Variants in SPATA31D1 observed in about 807,000 individuals in gnomAD.
The protein encoded by SPATA31D1 is SPATA31 subfamily D member 1.
SPATA31D1 carries 6 observed loss-of-function variants against 13.2 expected under a neutral mutation model. The observed-to-expected ratio is 0.46, with a 90% CI of 0.25 to 0.90. The LOEUF (loss-of-function observed/expected upper bound fraction) is 0.90. Among genes scored for constraint, SPATA31D1 ranks in the 40% least tolerant of loss-of-function variants. SPATA31D1 has a pLI of 0.18. For synonymous variants in SPATA31D1, 903 were observed against 718.8 expected, an observed-to-expected ratio of 1.26 and a Z score of -4.10; for missense variants, 2,445 against 1,884.7, an observed-to-expected ratio of 1.30 and a Z score of -5.50.
In SPATA31D1 at chr9:81,991,933, ACT is replaced by A; in HGVS notation, c.1466_1467del (p.Ser489Ter). On this transcript the variant is annotated frameshift_variant, in exon 4 of 4. Transcript: ENST00000344803. LOFTEE classifies it low-confidence loss of function (END_TRUNC). ...CAGCACATCCATCAGCAGCCTCCACACTCTAAATGCTTTGAAGACCATTTAGA... is the reference window on the plus strand; with the variant it reads ...CAGCACATCCATCAGCAGCCTCCACACTAAATGCTTTGAAGACCATTTAGA... 2 of 1,613,626 alleles carry A rather than the reference ACT, an allele frequency of 1.2e-6. No homozygotes were observed. The highest frequency in any genetic ancestry group is 8.5e-7 in the Non-Finnish European group (1 of 1,179,690).
Position 81,992,638 on chromosome 9 carries a change from C to A in SPATA31D1, c.2168C>A (p.Ser723Tyr), listed in dbSNP as rs1324261352. 1.9e-6 allele frequency: 3 copies of A among 1,613,740 alleles called. No individual in the cohort carries two copies. The South Asian group carries it at 3.3e-5, about 18-fold the overall frequency. Residue 723 changes from serine to tyrosine, a missense_variant, in exon 4 of 4, where the codon TCT (serine) becomes TAT (tyrosine). Ser to Tyr is a moderately radical substitution (Grantham distance 144, BLOSUM62 -2). Transcript: ENST00000344803. ...CCTCAGAGCAAAATTTCAGAGCTATCTGTGTCAGAGAGAATTCATGGACCG... is the reference window on the plus strand; with the variant it reads ...CCTCAGAGCAAAATTTCAGAGCTATATGTGTCAGAGAGAATTCATGGACCG... ...LRPQSKISEL[S>Y]VSERIHGPLN...
intron 3 of SPATA31D1, 127 bp downstream of exon 3, chr9:81,990,613 T>A (rs1256073711): frequency 7.6e-6 from 10 of 1,308,176 alleles, no homozygotes; most frequent in Non-Finnish European, 1.1e-5. Flanking sequence ...GGAATGGGTA[T>A]GTGAATGAAT....
intron 2 of SPATA31D1, 81 bp downstream of exon 2, chr9:81,989,904 A>T (rs1824918343): frequency 6.7e-7 from 1 of 1,499,346 alleles, no homozygotes; most frequent in East Asian, 2.3e-5. Context: ...ATGATTTCTT[A>T]GAATGTCAGT....
rs1231153404 is a variant in SPATA31D1, at chr9:81,992,216, T to G, written c.1746T>G (p.Ala582=). The G allele has an allele frequency of 2.5e-6, 4 of 1,613,626 alleles. No homozygotes were observed. The highest frequency in any genetic ancestry group is 1.1e-5 in the South Asian group (1 of 91,072). The change falls in exon 4 of 4, where the codon GCT becomes GCG. Residue 582 remains alanine, a synonymous_variant. Coordinates refer to ENST00000344803, the MANE Select transcript of SPATA31D1 (RefSeq NM_001001670.3). The part of the protein sequence containing the change: ...SPHLTQVKSL[A]QPQSPFRALL... The stretch of plus-strand genomic sequence containing the variant: ...ATCTCACTCAGGTGAAGTCCCTGGC[T>G]CAACCTCAATCTCCATTCCGAGCCC...
Position 81,991,336 on chromosome 9 carries a change from T to A in SPATA31D1, c.866T>A (p.Ile289Asn), listed in dbSNP as rs113761190. The A allele has an allele frequency of 6.2e-7, 1 of 1,613,644 alleles. No homozygotes were observed. Among genetic ancestry groups the A allele is most frequent in the African/African-American group, 1.3e-5 (1 of 74,728 alleles). The change falls in exon 4 of 4, where the codon ATT (isoleucine) becomes AAT (asparagine). Residue 289 changes from isoleucine to asparagine, a missense_variant. Coordinates refer to ENST00000344803, the MANE Select transcript of SPATA31D1 (RefSeq NM_001001670.3). ...GATATTTCGCAGGCCATGAATCCCA[T>A]TGATTCTTGTGCTCGTCATCACGGA... ...CQDISQAMNP[I>N]DSCARHHGPP...
Position 81,991,186 on chromosome 9 carries a change from C to T in SPATA31D1, c.716C>T (p.Pro239Leu), listed in dbSNP as rs376936477. ...TCCAAGTTCCCCATAGACCATTCCCCACCCCAACAGCTTCCCTTTCCCCTT... is the reference window on the plus strand; with the variant it reads ...TCCAAGTTCCCCATAGACCATTCCCTACCCCAACAGCTTCCCTTTCCCCTT... ...LDSKFPIDHS[P>L]PQQLPFPLLP... is the part of the protein sequence containing the mutation. Residue 239 changes from proline to leucine, a missense_variant, in exon 4 of 4, where the codon CCA becomes CTA. Pro to Leu is a moderately conservative substitution (Grantham distance 98). Coordinates refer to ENST00000344803, the MANE Select transcript of SPATA31D1 (RefSeq NM_001001670.3). 1.9e-6 allele frequency: 3 copies of T among 1,613,798 alleles called. No individual in the cohort carries two copies. The African/African-American group carries it at 4.0e-5, about 22-fold the overall frequency.
Position 81,992,309 on chromosome 9 carries a change from A to G in SPATA31D1, c.1839A>G (p.Ala613=). The G allele has an allele frequency of 1.2e-6, 2 of 1,613,818 alleles. No individual in the cohort carries two copies. Among genetic ancestry groups the G allele is most frequent in the Non-Finnish European group, 8.5e-7 (1 of 1,179,734 alleles). Residue 613 remains alanine (A), a synonymous_variant, in exon 4 of 4, where the codon GCA becomes GCG. Coordinates refer to ENST00000344803, the MANE Select transcript of SPATA31D1 (RefSeq NM_001001670.3). Reference sequence around the variant, plus strand: ...GTTTTCATAGACCCCAGAACGAGGCACGGTCTCTTTTGCCATCTGAAATTA... The same window carrying G: ...GTTTTCATAGACCCCAGAACGAGGCGCGGTCTCTTTTGCCATCTGAAATTA... ...GVCFHRPQNE[A]RSLLPSEINH...
Position 81,993,257 on chromosome 9 carries a change from C to G in SPATA31D1, c.2787C>G (p.Phe929Leu). 1 of 1,613,998 alleles carries G rather than the reference C, an allele frequency of 6.2e-7. No individual in the cohort carries two copies. The highest frequency in any genetic ancestry group is 8.5e-7 in the Non-Finnish European group (1 of 1,179,896). ...AGGTCCTTGAATCCATAGAAATCTTCAAATCGAAAGCGGACCTTTCCACTT... is the reference window on the plus strand; with the variant it reads ...AGGTCCTTGAATCCATAGAAATCTTGAAATCGAAAGCGGACCTTTCCACTT... ...PLKVLESIEIFKSKADLSTSF... is the reference protein window; with the variant it reads ...PLKVLESIEILKSKADLSTSF... The change falls in exon 4 of 4, where the codon TTC becomes TTG. Residue 929 changes from phenylalanine to leucine, a missense_variant. By Grantham distance (22) the Phe-to-Leu change is conservative (BLOSUM62 0). Transcript: ENST00000344803.
chr9:81,995,144 T>C lies in SPATA31D1; in HGVS notation c.4674T>C (p.Thr1558=), dbSNP rs200816660. ...SPVFSDVPFL[T]GQKMLPKHLQ... ...TGTTTAGTGATGTGCCTTTCCTAACTGGACAGAAAATGCTTCCAAAGCATT... is the reference window on the plus strand; with the variant it reads ...TGTTTAGTGATGTGCCTTTCCTAACCGGACAGAAAATGCTTCCAAAGCATT... The change falls in exon 4 of 4, where the codon ACT becomes ACC. Residue 1558 remains threonine, a synonymous_variant. Coordinates refer to ENST00000344803, the MANE Select transcript of SPATA31D1 (RefSeq NM_001001670.3). 4,548 of 1,590,696 alleles carry C rather than the reference T, an allele frequency of 2.9e-3. 10 individuals are homozygous for C. The highest frequency in any genetic ancestry group is 3.0e-3 in the Non-Finnish European group (3,546 of 1,167,724).
rs1564175793 is a variant in SPATA31D1 at position 81,994,109 on chromosome 9, G to A, written c.3639G>A (p.Arg1213=). The part of the protein sequence containing the change: ...QMLSQLKLVQ[R]KHSQPQSHFT... ...TGAGCCAGTTAAAGTTGGTCCAGAG[G>A]AAGCATAGCCAACCTCAGAGCCATT... The change falls in exon 4 of 4, where the codon AGG becomes AGA. Residue 1213 remains arginine, a synonymous_variant. Coordinates refer to ENST00000344803, the MANE Select transcript of SPATA31D1 (RefSeq NM_001001670.3). 21 of 1,613,904 alleles carry A rather than the reference G, an allele frequency of 1.3e-5. No homozygotes were observed. Among genetic ancestry groups the A allele is most frequent in the Non-Finnish European group, 1.6e-5 (19 of 1,179,862 alleles).
Position 81,992,188 on chromosome 9 carries a change from C to T in SPATA31D1, c.1718C>T (p.Pro573Leu), listed in dbSNP as rs767186526. The part of the protein sequence containing the change: ...LPQTLPQGQS[P>L]HLTQVKSLAQ... ...CAAACCCTGCCCCAAGGTCAGTCCC[C>T]ACATCTCACTCAGGTGAAGTCCCTG... is the stretch of plus-strand genomic sequence containing the variant. Residue 573 changes from proline (P) to leucine (L), a missense_variant, in exon 4 of 4, where the codon CCA (proline) becomes CTA (leucine). Coordinates refer to ENST00000344803, the MANE Select transcript of SPATA31D1 (RefSeq NM_001001670.3). 2.2e-5 allele frequency: 36 copies of T among 1,613,656 alleles called. No homozygotes were observed. The highest frequency in any genetic ancestry group is 2.6e-5 in the Non-Finnish European group (31 of 1,179,728).
rs527931753 is a variant in SPATA31D1, at chr9:81,991,475, G to T, written c.1005G>T (p.Gly335=). The T allele has an allele frequency of 2.7e-5, 43 of 1,613,964 alleles. No individual in the cohort carries two copies. The African/African-American group carries it at 4.5e-4, about 17-fold the overall frequency. The change falls in exon 4 of 4, where the codon GGG becomes GGT. Residue 335 remains glycine, a synonymous_variant. Coordinates refer to ENST00000344803, the MANE Select transcript of SPATA31D1 (RefSeq NM_001001670.3). ...TGTTATCTCTAGGTGGCTCTGGTGG[G>T]TCATCCACCTCTGCCCCAACAATCA... ...PEMLSLGGSG[G]SSTSAPTIKG...
In SPATA31D1 at chr9:81,993,021, C is replaced by G. The variant is rs757110653; in HGVS notation, c.2551C>G (p.His851Asp). The stretch of plus-strand genomic sequence containing the variant: ...TGAGGGTCGAATGCCTGGGACTGTG[C>G]ATAGTTCATGGCACTCAGTCAAGCA... ...INEGRMPGTV[H>D]SSWHSVKQTM... The change falls in exon 4 of 4, where the codon CAT becomes GAT. Residue 851 changes from histidine to aspartate, a missense_variant. Transcript: ENST00000344803. 4 of 1,613,662 alleles carry G rather than the reference C, an allele frequency of 2.5e-6. No individual in the cohort carries two copies. The East Asian group carries it at 6.7e-5, about 27-fold the overall frequency.
Position 81,990,921 on chromosome 9 carries a change from G to A in SPATA31D1, c.451G>A (p.Asp151Asn). 6.2e-7 allele frequency: 1 copy of A among 1,613,956 alleles called. No individual in the cohort carries two copies. Among genetic ancestry groups the A allele is most frequent in the Admixed American group, 1.7e-5 (1 of 60,018 alleles). ...ACTGCTGTCTTGGGAGTCCCTGAAA[G>A]ATGCTGCTCCCTCTGTGTCCCCTTT... ...QQLLSWESLK[D>N]AAPSVSPLAS... Residue 151 changes from aspartate (D) to asparagine (N), a missense_variant, in exon 4 of 4, where the codon GAT (aspartate) becomes AAT (asparagine). Coordinates refer to ENST00000344803, the MANE Select transcript of SPATA31D1 (RefSeq NM_001001670.3).
Position 81,992,048 on chromosome 9 carries a change from C to T in SPATA31D1, c.1578C>T (p.Ser526=), listed in dbSNP as rs1372505604. The T allele has an allele frequency of 6.2e-7, 1 of 1,613,764 alleles. No individual in the cohort carries two copies. The highest frequency in any genetic ancestry group is 1.7e-5 in the Admixed American group (1 of 60,010). The change falls in exon 4 of 4, where the codon TCC becomes TCT. Residue 526 remains serine, a synonymous_variant. Transcript: ENST00000344803. ...CTGTTCTTGTCCAACGTGGCCATTC[C>T]TCCATGTTTGTATTCTTCAATGGCA... ...HPTVLVQRGH[S]SMFVFFNGIT...
In SPATA31D1 at chr9:81,994,974, G is replaced by T; in HGVS notation, c.4504G>T (p.Val1502Phe). The T allele has an allele frequency of 1.2e-6, 2 of 1,613,968 alleles. No individual in the cohort carries two copies. The highest frequency in any genetic ancestry group is 1.1e-5 in the South Asian group (1 of 91,080). ...IIDKDRQPQKVEAFKGKILCQ... is the reference protein window; with the variant it reads ...IIDKDRQPQKFEAFKGKILCQ... ...AGACAAGGACAGACAGCCCCAGAAA[G>T]TTGAGGCATTTAAGGGGAAGATACT... The change falls in exon 4 of 4, where the codon GTT becomes TTT. Residue 1502 changes from valine (V) to phenylalanine (F), a missense_variant. Physicochemically the swap from Val to Phe is conservative, Grantham distance 50 (BLOSUM62 -1). Transcript: ENST00000344803.
Position 81,991,534 on chromosome 9 carries a change from A to T in SPATA31D1, c.1064A>T (p.Glu355Val). 1 of 1,613,958 alleles carries T rather than the reference A, an allele frequency of 6.2e-7. No homozygotes were observed. Among genetic ancestry groups the T allele is most frequent in the Non-Finnish European group, 8.5e-7 (1 of 1,179,890 alleles). The stretch of plus-strand genomic sequence containing the variant: ...GACCATTCACACCTTGCATCTTCAG[A>T]ATTCACCTGGTGGCAGCCTCATGCC... ...GIDHSHLASS[E>V]FTWWQPHAKD... The change falls in exon 4 of 4, where the codon GAA (glutamate) becomes GTA (valine). Residue 355 changes from glutamate to valine, a missense_variant. Transcript: ENST00000344803.
Position 81,991,621 on chromosome 9 carries a change from A to G in SPATA31D1, c.1151A>G (p.His384Arg). 1 of 1,613,850 alleles carries G rather than the reference A, an allele frequency of 6.2e-7. No individual in the cohort carries two copies. Among genetic ancestry groups the G allele is most frequent in the African/African-American group, 1.3e-5 (1 of 74,988 alleles). ...TTCATGGAGGAGCTTCTTACCCTTC[A>G]TTCTTCTGAGGCCTTTTTAGGGGGG... The part of the protein sequence containing the change: ...SDFMEELLTL[H>R]SSEAFLGGHS... Residue 384 changes from histidine (H) to arginine (R), a missense_variant, in exon 4 of 4, where the codon CAT (histidine) becomes CGT (arginine). His to Arg is a conservative substitution (Grantham distance 29). Transcript: ENST00000344803.
chr9:81,994,781 G>T lies in SPATA31D1; in HGVS notation c.4311G>T (p.Gly1437=), dbSNP rs1279986507. 1.9e-6 allele frequency: 3 copies of T among 1,613,950 alleles called. No homozygotes were observed. Among genetic ancestry groups the T allele is most frequent in the Non-Finnish European group, 2.5e-6 (3 of 1,179,886 alleles). Residue 1437 remains glycine (G), a synonymous_variant, in exon 4 of 4, where the codon GGG becomes GGT. Transcript: ENST00000344803. ...CPQEPLSFPV[G]LGKAQHNPEV... The stretch of plus-strand genomic sequence containing the variant: ...AAGAGCCCCTTTCCTTCCCAGTGGG[G>T]CTTGGGAAAGCTCAGCACAACCCAG...
Sources: gnomAD v4.1 joint callset for allele counts on GRCh38, gnomAD v4.1.1 for gene constraint, MANE v1.5 for transcripts, NCBI Gene and HGNC (gene_info 2026-07-23, HGNC 2026-07-21) for gene names.